MAD1L1: variants seen among roughly 807,000 people sequenced by gnomAD.
MAD1L1 encodes mitotic arrest deficient 1 like 1.
MAD1L1 carries 95 observed loss-of-function variants against 96.9 expected under a neutral mutation model. The ratio of observed to expected loss-of-function variants is 0.98; its 90% CI spans 0.83 to 1.16. The LOEUF (loss-of-function observed/expected upper bound fraction) is 1.16, where lower values mean the gene tolerates loss of function less well. MAD1L1 is among the 50% of genes most tolerant of loss of function. The probability of loss-of-function intolerance (pLI) is 0.00; values close to 1 mark genes in which losing one functional copy is unlikely to be tolerated. For synonymous variants in MAD1L1, 473 were observed against 396.6 expected, an observed-to-expected ratio of 1.19 and a Z score of -2.29; for missense variants, 1,007 against 954.4, an observed-to-expected ratio of 1.06 and a Z score of -0.73.
chr7:1,977,277 G>C (rs998100316), intron 15 of MAD1L1, among the ~76,000 whole-genome samples: 1 of 152,272 alleles, frequency 6.6e-6, no homozygotes, highest in Non-Finnish European at 1.5e-5. Flanking sequence ...GGCGGCTGAG[G>C]CCCAGTGAGA....
chr7:2,005,444 T>C (rs1048310631), intron 13 of MAD1L1, among the ~76,000 whole-genome samples: 3 of 152,142 alleles, frequency 2.0e-5, no homozygotes, highest in Non-Finnish European at 4.4e-5. Flanking sequence ...CATTAAAACA[T>C]ATACTCTAGC....
intron 11 of MAD1L1, among the ~76,000 whole-genome samples, chr7:2,137,331 G>A (rs1788802227): frequency 6.6e-6 from 1 of 152,206 alleles, no homozygotes; most frequent in Non-Finnish European, 1.5e-5. Context: ...AAAGATGTTC[G>A]CTTGCAAAGG....
At chr7:1,941,791 C>T (rs1217813642) in intron 16 of MAD1L1, among the ~76,000 whole-genome samples, 1 of 152,250 alleles carries the variant, frequency 6.6e-6, no homozygotes, top group Non-Finnish European at 1.5e-5. Context: ...CACCGCTGAC[C>T]AGGGCTGAGA....
At chr7:1,982,366 G>A (rs1780944182) in intron 14 of MAD1L1, among the ~76,000 whole-genome samples, 1 of 152,030 alleles carries the variant, frequency 6.6e-6, no homozygotes. Context: ...ACGCCATCAA[G>A]CCCAGCTAAT....
At chr7:1,964,341 T>C (rs1241981709) in intron 15 of MAD1L1, among the ~76,000 whole-genome samples, 1 of 152,230 alleles carries the variant, frequency 6.6e-6, no homozygotes, top group Admixed American at 6.5e-5. Flanking sequence ...TGAATTGGAA[T>C]GAGCGCACGC....
chr7:2,213,328 A>G (rs1462281060), intron 9 of MAD1L1, 55 bp from the exon 10 acceptor site: 4 of 1,499,486 alleles, frequency 2.7e-6, no homozygotes, highest in Admixed American at 1.7e-5. Flanking sequence ...GGATCATCAC[A>G]TAAGACTGAC....
At chr7:1,989,703 C>T (rs1236729889) in intron 14 of MAD1L1, among the ~76,000 whole-genome samples, 2 of 152,166 alleles carry the variant, frequency 1.3e-5, no homozygotes, top group African/African-American at 2.4e-5. Context: ...GGACCAGCCT[C>T]AGCATGGATC....
chr7:2,126,093 C>T (rs1386342123), intron 11 of MAD1L1, among the ~76,000 whole-genome samples: 1 of 152,162 alleles, frequency 6.6e-6, no homozygotes, highest in Non-Finnish European at 1.5e-5. Flanking sequence ...AGGCTTCGGT[C>T]CTCACTGCCA....
rs189459646 is a variant in MAD1L1, at chr7:1,982,402, T to C, written c.1417-1861A>G. ...TTTTGTATTTTTAGTAGAGACGGGG[T>C]TTCACCATGTTGGTGAGGCTGGTCC... On this transcript the variant is annotated intron_variant, in intron 14 of 18. Transcript: ENST00000265854. 1.1e-4 allele frequency among the ~76,000 whole-genome samples: 16 copies of C among 152,188 alleles called. No individual in the cohort carries two copies. In the East Asian group the frequency reaches 2.9e-3, roughly 28 times the overall value.
intron 11 of MAD1L1, among the ~76,000 whole-genome samples, chr7:2,081,837 G>T (rs923694323): frequency 1.6e-4 from 24 of 152,276 alleles, no homozygotes; most frequent in African/African-American, 5.5e-4. Flanking sequence ...TGCCGTCAGG[G>T]TGGGGAGGCT....
chr7:1,927,446 G>A (rs566406724), intron 17 of MAD1L1, among the ~76,000 whole-genome samples: 7 of 152,314 alleles, frequency 4.6e-5, no homozygotes, highest in African/African-American at 1.2e-4. Context: ...CGAAGCTACA[G>A]TAATCAATAC....
chr7:2,227,052 G>A (rs1308065251), intron 3 of MAD1L1, among the ~76,000 whole-genome samples: 1 of 151,148 alleles, frequency 6.6e-6, no homozygotes, highest in Admixed American at 6.6e-5. Context: ...CCAGCAGTTC[G>A]GGGGGCCAAG....
At chr7:2,115,817 T>C (rs1283938288) in intron 11 of MAD1L1, among the ~76,000 whole-genome samples, 1 of 152,204 alleles carries the variant, frequency 6.6e-6, no homozygotes, top group Non-Finnish European at 1.5e-5. Flanking sequence ...CGCACTGAGG[T>C]GCTGCCATCA....
chr7:1,885,333 G>C (rs530974925), intron 18 of MAD1L1, among the ~76,000 whole-genome samples: 74 of 152,240 alleles, frequency 4.9e-4, no homozygotes, highest in African/African-American at 1.8e-3. Context: ...CTTTGTTCTC[G>C]GTCTATCCCC....
At chr7:2,038,566 A>G in intron 12 of MAD1L1, among the ~76,000 whole-genome samples, 1 of 132,886 alleles carries the variant, frequency 7.5e-6, no homozygotes, top group Non-Finnish European at 1.5e-5. Flanking sequence ...AGGCTGGAGC[A>G]CGGTGGCACA....
At chr7:2,104,805 T>G (rs1787003391) in intron 11 of MAD1L1, among the ~76,000 whole-genome samples, 1 of 152,194 alleles carries the variant, frequency 6.6e-6, no homozygotes, top group African/African-American at 2.4e-5. Context: ...ACAGGTCACA[T>G]AAATCACTGC....
At chr7:1,946,414 T>C (rs1779231417) in intron 16 of MAD1L1, among the ~76,000 whole-genome samples, 1 of 152,234 alleles carries the variant, frequency 6.6e-6, no homozygotes, top group African/African-American at 2.4e-5. Context: ...AATCGGCTGT[T>C]AGCTGACAGC....
chr7:1,957,268 T>C (rs921854812), intron 16 of MAD1L1, among the ~76,000 whole-genome samples: 3 of 152,216 alleles, frequency 2.0e-5, no homozygotes, highest in Admixed American at 2.0e-4. Flanking sequence ...CTTCCTGCCA[T>C]GCAGCAACTC....
chr7:1,981,958 CG>C (rs1288800996), intron 14 of MAD1L1, among the ~76,000 whole-genome samples: 1 of 152,076 alleles, frequency 6.6e-6, no homozygotes, highest in African/African-American at 2.4e-5. Flanking sequence ...ACAACAAACA[CG>C]GATGCCCATG....
Sources: allele counts gnomAD v4.1 joint callset (sites outside exome capture counted in the v4.1 genomes callset), GRCh38; gene constraint gnomAD v4.1.1; transcripts MANE v1.5; gene names NCBI Gene and HGNC (gene_info 2026-07-23, HGNC 2026-07-21).